Variants in PCYT1B observed in about 807,000 individuals in gnomAD.
PCYT1B encodes phosphate cytidylyltransferase 1B, choline.
Under a neutral mutation model 26.4 loss-of-function variants are expected in PCYT1B, and 10 were observed. The ratio of observed to expected loss-of-function variants is 0.38; its 90% CI spans 0.23 to 0.64. The LOEUF (loss-of-function observed/expected upper bound fraction) is 0.64. PCYT1B is among the 30% of genes least tolerant of loss of function. PCYT1B has a pLI of 0.56. For synonymous variants in PCYT1B, 131 were observed against 108.4 expected (o/e 1.21, Z -1.29); for missense variants, 161 against 292.7 (o/e 0.55, Z 3.28).
intron 5 of PCYT1B, among the ~76,000 whole-genome samples, chrX:24,582,991 G>A (rs1160392722): frequency 1.8e-5 from 2 of 111,772 alleles, no homozygotes; most frequent in African/African-American, 6.5e-5. Flanking sequence ...AAGTTACATC[G>A]AGTCTTAGCC....
At chrX:24,639,577 G>A (rs1354503325) in intron 1 of PCYT1B, among the ~76,000 whole-genome samples, 1 of 111,533 alleles carries the variant, frequency 9.0e-6, no homozygotes, top group South Asian at 3.8e-4. Flanking sequence ...GAGGCCTCAG[G>A]AGAGGACATA....
At chrX:24,664,270 A>G (rs1207460353) in intron 1 of PCYT1B, among the ~76,000 whole-genome samples, 1 of 111,476 alleles carries the variant, frequency 9.0e-6, no homozygotes, top group Non-Finnish European at 1.9e-5. Flanking sequence ...TTCTTGATGA[A>G]CCTTTCCTGG....
At chrX:24,600,944 A>C (rs1286175703) in intron 3 of PCYT1B, among the ~76,000 whole-genome samples, 1 of 111,398 alleles carries the variant, frequency 9.0e-6, no homozygotes, top group Admixed American at 9.5e-5. Context: ...AAAAAAAAAA[A>C]AATTAATCTA....
At chrX:24,642,292 A>T (rs759577838) in intron 1 of PCYT1B, among the ~76,000 whole-genome samples, 9 of 111,865 alleles carry the variant, frequency 8.0e-5, no homozygotes, top group Non-Finnish European at 1.7e-4. Flanking sequence ...GGGTAAGGGG[A>T]TGGTAGGGGT....
At chrX:24,654,004 G>A (rs1490705790) in intron 1 of PCYT1B, among the ~76,000 whole-genome samples, 1 of 107,378 alleles carries the variant, frequency 9.3e-6, no homozygotes, top group African/African-American at 3.4e-5. Context: ...TGATCTGCCC[G>A]CCTCAGCCTC....
chrX:24,657,673 G>A (rs1487329130), intron 1 of PCYT1B, among the ~76,000 whole-genome samples: 1 of 111,735 alleles, frequency 8.9e-6, no homozygotes, highest in Non-Finnish European at 1.9e-5. Flanking sequence ...ACCAAGCTAC[G>A]CCCAGTATGA....
intron 3 of PCYT1B, among the ~76,000 whole-genome samples, chrX:24,593,738 G>A (rs1355096651): frequency 9.1e-6 from 1 of 109,523 alleles, no homozygotes; most frequent in Non-Finnish European, 1.9e-5. Flanking sequence ...TGTTGGCCAG[G>A]CTGGTCTCAA....
chrX:24,648,448 A>ATTTTT (rs1189695885), upstream of PCYT1B, among the ~76,000 whole-genome samples: 7 of 34,554 alleles, frequency 2.0e-4, no homozygotes, highest in East Asian at 1.2e-3. Flanking sequence ...GATTTGAAGG[A>ATTTTT]ATTTTTTTTT....
At chrX:24,666,070 T>C (rs1233965120) in intron 1 of PCYT1B, among the ~76,000 whole-genome samples, 2 of 111,029 alleles carry the variant, frequency 1.8e-5, no homozygotes. Context: ...AATGATAATG[T>C]CAATCAATTT....
intron 3 of PCYT1B, among the ~76,000 whole-genome samples, chrX:24,603,095 C>T (rs1038616962): frequency 2.7e-5 from 3 of 112,491 alleles, no homozygotes; most frequent in African/African-American, 9.7e-5. Flanking sequence ...TGAGCCACTG[C>T]ACCCGGCCTG....
chrX:24,651,472 A>T (rs867374530), upstream of PCYT1B, among the ~76,000 whole-genome samples: 56 of 25,889 alleles, frequency 2.2e-3, no homozygotes, highest in African/African-American at 9.5e-3. Flanking sequence ...AAAAAAAAAA[A>T]ATATATATAT....
intron 1 of PCYT1B, among the ~76,000 whole-genome samples, chrX:24,661,523 C>T (rs1251812827): frequency 8.9e-6 from 1 of 111,808 alleles, no homozygotes; most frequent in African/African-American, 3.3e-5. Context: ...AAATAGTCTG[C>T]CAAGTAAATA....
chrX:24,625,059 T>A (rs1412069795), intron 1 of PCYT1B, among the ~76,000 whole-genome samples: 2 of 112,214 alleles, frequency 1.8e-5, no homozygotes, highest in Non-Finnish European at 3.8e-5. Flanking sequence ...AATTGAAAAG[T>A]GAATTACCCA....
chrX:24,646,876 TC>T, intron 1 of PCYT1B, 112 bp downstream of exon 1: 1 of 586,530 alleles, frequency 1.7e-6, no homozygotes, highest in African/African-American at 2.2e-5. Flanking sequence ...GTAGCGCTCT[TC>T]TCATTTACAT....
chrX:24,597,376 C>A (rs1311783010), intron 3 of PCYT1B, among the ~76,000 whole-genome samples: 1 of 111,867 alleles, frequency 8.9e-6, no homozygotes, highest in African/African-American at 3.2e-5. Flanking sequence ...GCCCACTCGG[C>A]CTCCCAAAGT....
At chrX:24,620,248 G>T (rs1217624330) in intron 1 of PCYT1B, among the ~76,000 whole-genome samples, 1 of 112,033 alleles carries the variant, frequency 8.9e-6, no homozygotes, top group Non-Finnish European at 1.9e-5. Context: ...TTGGAATCTG[G>T]GGATAGAAGT....
Position 24,626,155 on chromosome X carries a change from A to G in PCYT1B, c.118-7071T>C, listed in dbSNP as rs140576856. On this transcript the variant is annotated intron_variant, in intron 1 of 7. Coordinates refer to ENST00000379144, the MANE Select transcript of PCYT1B (RefSeq NM_004845.5). ...AGAAAAGAAAAAGAAATAGTTTAGAACTGTGCTAATATGGTAGCCATTAGT... is the reference window on the plus strand; with the variant it reads ...AGAAAAGAAAAAGAAATAGTTTAGAGCTGTGCTAATATGGTAGCCATTAGT... Among the ~76,000 whole-genome samples, 581 of 111,494 alleles carry G rather than the reference A, an allele frequency of 5.2e-3. 2 individuals carry two copies. The highest frequency in any genetic ancestry group is 0.014 in the African/African-American group (442 of 30,744).
intron 1 of PCYT1B, among the ~76,000 whole-genome samples, chrX:24,635,920 G>A (rs946235967): frequency 2.0e-4 from 22 of 111,975 alleles, no homozygotes; most frequent in African/African-American, 7.1e-4. Context: ...TTATTCTGAG[G>A]TACTCTTGCT....
intron 3 of PCYT1B, among the ~76,000 whole-genome samples, chrX:24,606,652 T>C (rs911552420): frequency 9.0e-6 from 1 of 111,701 alleles, no homozygotes; most frequent in African/African-American, 3.3e-5. Context: ...TCACCTGAGG[T>C]CAGGAGTTCA....
Sources: allele counts gnomAD v4.1 joint callset (sites outside exome capture counted in the v4.1 genomes callset), GRCh38; gene constraint gnomAD v4.1.1; transcripts MANE v1.5; gene names NCBI Gene and HGNC (gene_info 2026-07-23, HGNC 2026-07-21).